Variants in ELL observed in about 807,000 individuals in gnomAD.
ELL encodes the protein RNA polymerase II elongation factor ELL.
A neutral mutation model predicts 64.0 loss-of-function variants in ELL; 18 were observed. That is an observed-to-expected ratio of 0.28 (90% CI 0.19 to 0.42). The LOEUF (loss-of-function observed/expected upper bound fraction) is 0.42. Ranked by LOEUF, ELL falls within the 10% of genes least tolerant of loss-of-function variation. ELL has a pLI of 1.00. For synonymous variants in ELL, 399 were observed against 376.2 expected, an observed-to-expected ratio of 1.06 and a Z score of -0.70; for missense variants, 797 against 870.4, an observed-to-expected ratio of 0.92 and a Z score of 1.06.
At chr19:18,451,243 C>G (rs995568532) in intron 7 of ELL, among the ~76,000 whole-genome samples, 1 of 152,214 alleles carries the variant, frequency 6.6e-6, no homozygotes, top group Non-Finnish European at 1.5e-5. Context: ...CGCTGCTGTG[C>G]TCAGCATGCT....
intron 1 of ELL, among the ~76,000 whole-genome samples, chr19:18,492,608 T>TCA (rs977015091): frequency 3.3e-5 from 5 of 152,080 alleles, no homozygotes; most frequent in Non-Finnish European, 7.4e-5. Context: ...TGTTACTGGG[T>TCA]CACATATTTC....
intron 1 of ELL, among the ~76,000 whole-genome samples, chr19:18,498,152 G>T (rs998888861): frequency 1.3e-5 from 2 of 151,998 alleles, no homozygotes; most frequent in African/African-American, 4.8e-5. Flanking sequence ...GTCAGTGCAG[G>T]CTCATCCATT....
chr19:18,470,450 G>A (rs1975041581), intron 2 of ELL, among the ~76,000 whole-genome samples: 1 of 152,238 alleles, frequency 6.6e-6, no homozygotes, highest in African/African-American at 2.4e-5. Context: ...GGCTGCTCTG[G>A]CAGCAAGCCC....
intron 6 of ELL, among the ~76,000 whole-genome samples, chr19:18,453,836 T>C (rs958452431): frequency 6.6e-6 from 1 of 152,216 alleles, no homozygotes; most frequent in African/African-American, 2.4e-5. Context: ...CCCAAAGTGC[T>C]GACATTATAG....
Position 18,443,811 on chromosome 19 carries a change from GGCTCT to G in ELL, c.*936_*940del, listed in dbSNP as rs1974345794. 1 of 233,082 alleles carries G rather than the reference GGCTCT, an allele frequency of 4.3e-6. No homozygotes were observed. Among genetic ancestry groups the G allele is most frequent in the African/African-American group, 2.2e-5 (1 of 45,348 alleles). 14.4% of individuals were successfully genotyped at this position (233,082 alleles called of 1,614,324 possible). The stretch of plus-strand genomic sequence containing the variant: ...CTCCCTGAGTGCAAACCTTGGCGGT[GGCTCT>G]GCTAAGACGACCCCAGGACCCACAA... On this transcript the variant is annotated 3_prime_UTR_variant, in exon 12 of 12. Coordinates refer to ENST00000262809, the MANE Select transcript of ELL (RefSeq NM_006532.4).
Position 18,505,799 on chromosome 19 carries a change from G to GT in ELL, c.135+16121dup, listed in dbSNP as rs1975874052. 3.3e-5 allele frequency among the ~76,000 whole-genome samples: 5 copies of GT among 152,272 alleles called. No homozygotes were observed. In the South Asian group the frequency reaches 1.0e-3, roughly 32 times the overall value. Reference sequence around the variant, plus strand: ...AACACCCCACGGACAGGAAAGCAAAGTAAGGAGAGGTGAATGTGAGTTGCA... The same window carrying GT: ...AACACCCCACGGACAGGAAAGCAAAGTTAAGGAGAGGTGAATGTGAGTTGCA... On this transcript the variant is annotated intron_variant, in intron 1 of 11. Transcript: ENST00000262809.
intron 1 of ELL, among the ~76,000 whole-genome samples, chr19:18,520,333 ACCCAGGG>A (rs1976236640): frequency 6.6e-6 from 1 of 152,018 alleles, no homozygotes; most frequent in Non-Finnish European, 1.5e-5. Flanking sequence ...AGGGAAAAAG[ACCCAGGG>A]CCAGAATTCT....
In ELL at chr19:18,449,920, A is replaced by G. The variant is rs928692430; in HGVS notation, c.1465+557T>C. Among the ~76,000 whole-genome samples the G allele has an allele frequency of 9.2e-5, 14 of 152,142 alleles. No homozygotes were observed. In the South Asian group the frequency reaches 1.0e-3, roughly 11 times the overall value. Reference sequence around the variant, plus strand: ...GCCGCCCAGGTCTCCTGGCTCCCCAATCCCAGCCTGCCAGGCCCTGTCCCC... The same window carrying G: ...GCCGCCCAGGTCTCCTGGCTCCCCAGTCCCAGCCTGCCAGGCCCTGTCCCC... On this transcript the variant is annotated intron_variant, in intron 8 of 11. Transcript: ENST00000262809. This position sits in a 1 kb window ranked among gnomAD's most constrained non-coding sequence, Gnocchi z 4.4.
At chr19:18,517,405 C>T (rs373363443) in intron 1 of ELL, among the ~76,000 whole-genome samples, 21 of 152,216 alleles carry the variant, frequency 1.4e-4, no homozygotes, top group African/African-American at 4.8e-4. Flanking sequence ...TGCACCACCA[C>T]GCCTGGCTAA....
intron 2 of ELL, among the ~76,000 whole-genome samples, chr19:18,467,696 T>C (rs1218547497): frequency 1.7e-5 from 1 of 58,358 alleles, no homozygotes; most frequent in African/African-American, 7.3e-5. Flanking sequence ...CCACACACAA[T>C]CTCCCCACAC....
At chr19:18,472,783 G>C in intron 2 of ELL, 52 bp downstream of exon 2, 1 of 1,565,306 alleles carries the variant, frequency 6.4e-7, no homozygotes. Flanking sequence ...ACAGACCTGA[G>C]ACTATACCAG....
chr19:18,500,692 C>G (rs1975763991), intron 1 of ELL, among the ~76,000 whole-genome samples: 1 of 152,108 alleles, frequency 6.6e-6, no homozygotes, highest in Non-Finnish European at 1.5e-5. Flanking sequence ...AGGCCCCGGG[C>G]AGCATGGCAG....
At chr19:18,490,466 A>C (rs1344365228) in intron 1 of ELL, among the ~76,000 whole-genome samples, 1 of 152,144 alleles carries the variant, frequency 6.6e-6, no homozygotes, top group African/African-American at 2.4e-5. Flanking sequence ...CCGCAGCGGG[A>C]GCCCATGGGC....
intron 5 of ELL, among the ~76,000 whole-genome samples, chr19:18,459,085 G>C (rs1201729969): frequency 1.3e-5 from 2 of 152,046 alleles, no homozygotes; most frequent in East Asian, 3.9e-4. Context: ...TCAGTATTTT[G>C]CATAGGCTGG....
intron 1 of ELL, among the ~76,000 whole-genome samples, chr19:18,498,014 G>A (rs1975696383): frequency 6.6e-6 from 1 of 151,958 alleles, no homozygotes; most frequent in South Asian, 2.1e-4. Flanking sequence ...TGTAATCCCA[G>A]CCACTAGGGA....
At chr19:18,514,233 C>T (rs1286564854) in intron 1 of ELL, among the ~76,000 whole-genome samples, 1 of 151,902 alleles carries the variant, frequency 6.6e-6, no homozygotes, top group Non-Finnish European at 1.5e-5. Context: ...AAAGTGACAG[C>T]CGGGCACGGT....
intron 1 of ELL, among the ~76,000 whole-genome samples, chr19:18,500,422 C>T (rs944352088): frequency 6.6e-5 from 10 of 152,196 alleles, no homozygotes; most frequent in Admixed American, 5.9e-4. Flanking sequence ...TCCACTTCTC[C>T]TACCACCTTC....
intron 8 of ELL, among the ~76,000 whole-genome samples, chr19:18,447,970 G>A (rs1014017569): frequency 6.6e-6 from 1 of 151,982 alleles, no homozygotes; most frequent in African/African-American, 2.4e-5. Flanking sequence ...TTTTTTTGTA[G>A]AGATGGGGTC....
intron 1 of ELL, among the ~76,000 whole-genome samples, chr19:18,492,446 G>A (rs190803568): frequency 1.6e-4 from 24 of 152,344 alleles, no homozygotes; most frequent in African/African-American, 5.8e-4. Flanking sequence ...ATAAGCTACA[G>A]TGGTATCAGC....
Sources: allele counts gnomAD v4.1 joint callset (sites outside exome capture counted in the v4.1 genomes callset), GRCh38; gene constraint gnomAD v4.1.1; non-coding constraint Gnocchi (gnomAD v3.1); transcripts MANE v1.5; gene names NCBI Gene and HGNC (gene_info 2026-07-23, HGNC 2026-07-21).